Variants in OPCML observed in about 807,000 individuals in gnomAD.
OPCML encodes opioid-binding protein/cell adhesion molecule.
In OPCML, 13 loss-of-function variants were observed where a neutral mutation model predicts 37.8. The observed-to-expected ratio is 0.34, with a 90% CI of 0.22 to 0.55. OPCML has a LOEUF of 0.55. Among genes scored for constraint, OPCML ranks in the 20% least tolerant of loss-of-function variants. The probability of loss-of-function intolerance (pLI) is 0.91; values close to 1 mark genes in which losing one functional copy is unlikely to be tolerated. For missense variants in OPCML, 341 were observed against 435.6 expected, an observed-to-expected ratio of 0.78 and a Z score of 1.93; for synonymous variants, 176 against 168.8, an observed-to-expected ratio of 1.04 and a Z score of -0.33.
intron 1 of OPCML, among the ~76,000 whole-genome samples, chr11:133,426,364 T>C (rs1310565536): frequency 6.6e-6 from 1 of 151,992 alleles, no homozygotes. Context: ...ATTGAGACAC[T>C]GCAGGAAAAA....
intron 2 of OPCML, among the ~76,000 whole-genome samples, chr11:132,738,993 C>T (rs1218154410): frequency 1.3e-5 from 2 of 152,108 alleles, no homozygotes; most frequent in African/African-American, 4.8e-5. Context: ...AAAAAGCCTC[C>T]CACCCGCTAA....
intron 1 of OPCML, among the ~76,000 whole-genome samples, chr11:133,104,807 GTGGATTTTAATTAAA>G (rs1949133595): frequency 6.6e-6 from 1 of 152,108 alleles, no homozygotes; most frequent in South Asian, 2.1e-4. Flanking sequence ...GTATCTAAAA[GTGGATTTTAATTAAA>G]TGGATCATGG....
intron 1 of OPCML, among the ~76,000 whole-genome samples, chr11:133,090,867 T>C (rs1322486815): frequency 1.3e-5 from 2 of 152,234 alleles, no homozygotes; most frequent in Non-Finnish European, 2.9e-5. Flanking sequence ...ATGGCCAACC[T>C]ACCATTTGAT....
Position 133,513,953 on chromosome 11 carries a change from A to G in OPCML, c.61+18311T>C, listed in dbSNP as rs191200213. Among the ~76,000 whole-genome samples, 8 of 152,306 alleles carry G rather than the reference A, an allele frequency of 5.3e-5. No homozygotes were observed. The East Asian group carries it at 5.8e-4, about 11-fold the overall frequency. On this transcript the variant is annotated intron_variant, in intron 1 of 7. Coordinates refer to ENST00000524381, the MANE Select transcript of OPCML (RefSeq NM_001012393.5). Reference sequence around the variant, plus strand: ...GCCAGCAAGGTCAGTTGAATACAGGAAAAAAATCATGATTCAGTATCCCAA... The same window carrying G: ...GCCAGCAAGGTCAGTTGAATACAGGGAAAAAATCATGATTCAGTATCCCAA...
In OPCML at chr11:132,738,605, C is replaced by T. The variant is rs1335576847; in HGVS notation, c.147-81286G>A. ...AGCCTGATGGACTGCTCAGTTTGGG[C>T]TGTGCTCCCTTCTACAGTGTCCATG... On this transcript the variant is annotated intron_variant, in intron 2 of 7. Coordinates refer to ENST00000524381, the MANE Select transcript of OPCML (RefSeq NM_001012393.5). Among the ~76,000 whole-genome samples the T allele has an allele frequency of 2.6e-5, 4 of 152,252 alleles. No homozygotes were observed. In the South Asian group the frequency reaches 6.2e-4, roughly 24 times the overall value.
chr11:132,640,147 C>T (rs1940764319), intron 3 of OPCML, among the ~76,000 whole-genome samples: 1 of 152,182 alleles, frequency 6.6e-6, no homozygotes, highest in South Asian at 2.1e-4. Context: ...CAGACTTCCA[C>T]AGCAAGAAAT....
chr11:133,128,783 G>C (rs900903931), intron 1 of OPCML, among the ~76,000 whole-genome samples: 1 of 152,132 alleles, frequency 6.6e-6, no homozygotes, highest in African/African-American at 2.4e-5. Flanking sequence ...CACCAGGAGA[G>C]GGAGAGCTGT....
At chr11:132,460,233 T>A (rs2096096512) in intron 4 of OPCML, among the ~76,000 whole-genome samples, 1 of 151,674 alleles carries the variant, frequency 6.6e-6, no homozygotes, top group Non-Finnish European at 1.5e-5. Context: ...TTTTTTTTAC[T>A]GTGAGTTTGT....
intron 2 of OPCML, among the ~76,000 whole-genome samples, chr11:132,869,137 TGG>T (rs1364139357): frequency 6.6e-6 from 1 of 152,122 alleles, no homozygotes; most frequent in Non-Finnish European, 1.5e-5. Context: ...GAGTGGAAAC[TGG>T]AGCCTCAGGG....
chr11:132,917,080 T>A (rs1944631857), intron 2 of OPCML, among the ~76,000 whole-genome samples: 1 of 152,136 alleles, frequency 6.6e-6, no homozygotes. Context: ...CCATAACTAA[T>A]CCATCATCTG....
intron 1 of OPCML, among the ~76,000 whole-genome samples, chr11:132,995,633 CT>C (rs1018279487): frequency 1.3e-4 from 19 of 151,966 alleles, no homozygotes; most frequent in African/African-American, 4.6e-4. Context: ...CAATACTTCC[CT>C]TTTAAAGACC....
intron 1 of OPCML, among the ~76,000 whole-genome samples, chr11:133,068,314 T>C (rs1483868995): frequency 6.6e-6 from 1 of 152,216 alleles, no homozygotes; most frequent in Non-Finnish European, 1.5e-5. Context: ...AACTCTGCTT[T>C]TTTTCCTTAA....
intron 3 of OPCML, among the ~76,000 whole-genome samples, chr11:132,541,074 G>A (rs540861570): frequency 2.0e-5 from 3 of 152,210 alleles, no homozygotes; most frequent in South Asian, 4.2e-4. Flanking sequence ...GATGCCCCTC[G>A]CTCTACCTTC....
intron 2 of OPCML, among the ~76,000 whole-genome samples, chr11:132,886,621 G>A (rs1943429814): frequency 6.6e-6 from 1 of 152,212 alleles, no homozygotes; most frequent in Non-Finnish European, 1.5e-5. Flanking sequence ...GCCTGAGTCA[G>A]GCAGAGTCAC....
In OPCML at chr11:133,008,830, T is replaced by G. The variant is rs142538378; in HGVS notation, c.62-65820A>C. On this transcript the variant is annotated intron_variant, in intron 1 of 7. Transcript: ENST00000524381. The stretch of plus-strand genomic sequence containing the variant: ...TGACAGTACTCCCTAATGCACTTTC[T>G]GAACAAAAGTCTCCATCTGAGAGTC... 2.8e-4 allele frequency: 259 copies of G among 937,262 alleles called. 2 individuals carry two copies. The African/African-American group carries it at 4.3e-3, about 16-fold the overall frequency. 58.1% of individuals were successfully genotyped at this position (937,262 alleles called of 1,614,324 possible). A position where few individuals can be genotyped will look rare whatever the true frequency, so the allele number is the denominator to read the frequency against.
At chr11:133,482,798 G>C (rs1309108371) in intron 1 of OPCML, among the ~76,000 whole-genome samples, 1 of 152,034 alleles carries the variant, frequency 6.6e-6, no homozygotes. Flanking sequence ...AAATTAAAAT[G>C]ATGAGGGTAA....
chr11:133,436,842 A>G (rs1392201155), intron 1 of OPCML, among the ~76,000 whole-genome samples: 1 of 152,156 alleles, frequency 6.6e-6, no homozygotes, highest in African/African-American at 2.4e-5. Flanking sequence ...CAAAGACCTA[A>G]ACCTTTCGGT....
At chr11:132,728,467 T>C (rs1944964251) in intron 2 of OPCML, among the ~76,000 whole-genome samples, 1 of 152,136 alleles carries the variant, frequency 6.6e-6, no homozygotes, top group Non-Finnish European at 1.5e-5. Context: ...GAAGATAACA[T>C]ACAATAATAA....
chr11:133,105,878 A>G (rs1196423446), intron 1 of OPCML, among the ~76,000 whole-genome samples: 4 of 152,126 alleles, frequency 2.6e-5, no homozygotes, highest in African/African-American at 9.7e-5. Context: ...GCTACTCAGG[A>G]GGCTGAGGCA....
Sources: allele counts gnomAD v4.1 joint callset (sites outside exome capture counted in the v4.1 genomes callset), GRCh38; gene constraint gnomAD v4.1.1; transcripts MANE v1.5; gene names NCBI Gene and HGNC (gene_info 2026-07-23, HGNC 2026-07-21).